Variants in SLC44A4 observed in about 807,000 individuals in gnomAD.
SLC44A4 encodes the protein choline transporter-like protein 4.
Under a neutral mutation model 97.0 loss-of-function variants are expected in SLC44A4, and 74 were observed. The observed-to-expected ratio is 0.76, with a 90% CI of 0.63 to 0.93. The LOEUF is 0.93. SLC44A4 is among the 40% of genes least tolerant of loss of function. The probability of loss-of-function intolerance (pLI) is 0.00; values close to 1 mark genes in which losing one functional copy is unlikely to be tolerated. For synonymous variants in SLC44A4, 325 were observed against 363.8 expected (o/e 0.89, Z 1.21); for missense variants, 799 against 902.9 (o/e 0.88, Z 1.48).
At chr6:31,870,476 C>T in intron 11 of SLC44A4, 127 bp downstream of exon 11, 4 of 702,884 alleles carry the variant, frequency 5.7e-6, no homozygotes, top group Non-Finnish European at 9.8e-6. Flanking sequence ...GCAGTGTTCA[C>T]CACTGTGCTA....
rs373185082 is a variant in SLC44A4 at position 31,865,840 on chromosome 6, C to T, written c.1487+33G>A. The T allele has an allele frequency of 2.6e-5, 42 of 1,613,728 alleles. No homozygotes were observed. The highest frequency in any genetic ancestry group is 3.6e-5 in the Non-Finnish European group (42 of 1,179,794). On this transcript the variant is annotated intron_variant, in intron 14 of 20. Coordinates refer to ENST00000229729, the MANE Select transcript of SLC44A4 (RefSeq NM_025257.3). This position sits in a 1 kb window ranked among gnomAD's most constrained non-coding sequence, Gnocchi z 5.2. The stretch of plus-strand genomic sequence containing the variant: ...CTCCAGGACCCCTGGGGCCCCCGTG[C>T]CTACAATGACCAGGCCCCTGCCCCA...
At position 31,876,954 on chromosome 6, in the gene SLC44A4, T is replaced by C. The variant is rs949359095; in HGVS notation, c.89+80A>G. 8.9e-5 allele frequency: 122 copies of C among 1,376,476 alleles called. 1 individual carries two copies. Among genetic ancestry groups the C allele is most frequent in the Non-Finnish European group, 1.2e-4 (118 of 1,003,240 alleles). 85.3% of individuals were successfully genotyped at this position (1,376,476 alleles called of 1,614,324 possible). On this transcript the variant is annotated intron_variant, in intron 2 of 20. Transcript: ENST00000229729. This position sits in a 1 kb window ranked among gnomAD's most constrained non-coding sequence, Gnocchi z 4.8. ...TTTCACAAGTTTCCTACTAATATTT[T>C]AGCAAATACAAAGCAAATACTGGAT...
chr6:31,871,017 T>G lies in SLC44A4; in HGVS notation c.732A>C (p.Leu244=). The change falls in exon 10 of 21, where the codon CTA becomes CTC. Residue 244 remains leucine (L), a synonymous_variant. Transcript: ENST00000229729. ...VALGVALVLS[L]LFILLLRLVA... ...CCAGGCGCAGAAGCAAGATAAACAG[T>G]AGGCTCAAGACCAGAGCCACCCCCA... is the stretch of plus-strand genomic sequence containing the variant. The G allele has an allele frequency of 6.2e-7, 1 of 1,611,384 alleles. No individual in the cohort carries two copies.
chr6:31,870,478 A>G (rs1422226239), intron 11 of SLC44A4, 125 bp downstream of exon 11: 5 of 704,532 alleles, frequency 7.1e-6, no homozygotes, highest in Non-Finnish European at 1.2e-5. Context: ...AGTGTTCACC[A>G]CTGTGCTATA....
rs1360314443 is a variant in SLC44A4, at chr6:31,877,226, CTG to C, written c.41-146_41-145del. ...GGGCAGGACTGGCAGGAGGGGAAAA[CTG>C]GGGAGCAGGAAAGGTAGGATCCAGG... On this transcript the variant is annotated intron_variant, in intron 1 of 20. Transcript: ENST00000229729. This position sits in a 1 kb window ranked among gnomAD's most constrained non-coding sequence, Gnocchi z 6.5. 6.2e-6 allele frequency: 5 copies of C among 812,530 alleles called. No individual in the cohort carries two copies. In the African/African-American group the frequency reaches 8.6e-5, roughly 14 times the overall value. The allele number at this position is 812,530 out of a possible 1,614,324, so 50.3% of individuals were successfully genotyped here. A position where few individuals can be genotyped will look rare whatever the true frequency, so the allele number is the denominator to read the frequency against.
chr6:31,865,395 G>A lies in SLC44A4; in HGVS notation c.1687-7C>T. The A allele has an allele frequency of 6.2e-7, 1 of 1,614,104 alleles. No individual in the cohort carries two copies. Among genetic ancestry groups the A allele is most frequent in the South Asian group, 1.1e-5 (1 of 91,086 alleles). ...TCTTCCCGTAGATGGCGATCTGAGG[G>A]AGGTGGAAAGGTCAGAGTTACCAAG... On this transcript the variant is annotated splice_region_variant and splice_polypyrimidine_tract_variant and intron_variant, in intron 16 of 20. Transcript: ENST00000229729. This position sits in a 1 kb window ranked among gnomAD's most constrained non-coding sequence, Gnocchi z 5.2.
At position 31,874,110 on chromosome 6, in the gene SLC44A4, G is replaced by A. The variant is rs553459764; in HGVS notation, c.529+350C>T. Among the ~76,000 whole-genome samples, 7 of 150,762 alleles carry A rather than the reference G, an allele frequency of 4.6e-5. No homozygotes were observed. The East Asian group carries it at 1.2e-3, about 25-fold the overall frequency. ...AGCCTGGGCAACAGAGGAAGACTCC[G>A]TCAAAAAAAAAAAAATGTGTGTGTA... On this transcript the variant is annotated intron_variant, in intron 7 of 20. Transcript: ENST00000229729. This position sits in a 1 kb window ranked among gnomAD's most constrained non-coding sequence, Gnocchi z 4.8.
At chr6:31,864,127 T>C (rs1200041813) in intron 20 of SLC44A4, among the ~76,000 whole-genome samples, 1 of 151,942 alleles carries the variant, frequency 6.6e-6, no homozygotes, top group African/African-American at 2.4e-5. Context: ...CAAGCTGAAG[T>C]GCAGTAGCGC....
Position 31,864,888 on chromosome 6 carries a change from G to GA in SLC44A4, c.1853dup (p.Ser619LeufsTer9), listed in dbSNP as rs910422495. ...TACCCAGCCCCGGGATGCGACCGGA[G>GA]AAAAAAAAGAAGGACAGGACCCCTG... On this transcript the variant is annotated frameshift_variant, in exon 19 of 21. Transcript: ENST00000229729. LOFTEE classifies it high-confidence loss of function. 7.4e-6 allele frequency: 12 copies of GA among 1,613,558 alleles called. No homozygotes were observed. Among genetic ancestry groups the GA allele is most frequent in the African/African-American group, 1.3e-5 (1 of 74,840 alleles).
Position 31,874,450 on chromosome 6 carries a change from T to C in SLC44A4, c.529+10A>G. The C allele has an allele frequency of 6.2e-7, 1 of 1,612,976 alleles. No individual in the cohort carries two copies. The highest frequency in any genetic ancestry group is 8.5e-7 in the Non-Finnish European group (1 of 1,179,922). ...AGATGACGTCTGAGGAAGGAATCTG[T>C]GCTTCTCACCTGGAGCAGAGGGGAG... On this transcript the variant is annotated intron_variant, in intron 7 of 20. Coordinates refer to ENST00000229729, the MANE Select transcript of SLC44A4 (RefSeq NM_025257.3). This position sits in a 1 kb window ranked among gnomAD's most constrained non-coding sequence, Gnocchi z 4.8.
chr6:31,877,693 G>A lies in SLC44A4; in HGVS notation c.41-611C>T, dbSNP rs562658761. The A allele has an allele frequency of 1.9e-5, 18 of 932,786 alleles. No individual in the cohort carries two copies. Among genetic ancestry groups the A allele is most frequent in the African/African-American group, 3.6e-5 (2 of 56,282 alleles). The allele number at this position is 932,786 out of a possible 1,614,324, so 57.8% of individuals were successfully genotyped here. On this transcript the variant is annotated intron_variant, in intron 1 of 20. Coordinates refer to ENST00000229729, the MANE Select transcript of SLC44A4 (RefSeq NM_025257.3). The surrounding 1 kb of genome is among the most constrained non-coding windows in gnomAD (Gnocchi z 6.5). Reference sequence around the variant, plus strand: ...CAGTCCCCTGGCCACAGTGTGCTCCGGGCTCTGGGCCAGCAGTCAGAGTGA... The same window carrying A: ...CAGTCCCCTGGCCACAGTGTGCTCCAGGCTCTGGGCCAGCAGTCAGAGTGA...
Position 31,864,641 on chromosome 6 carries a change from G to T in SLC44A4, c.2011+11C>A, listed in dbSNP as rs375204698. 2,355 of 1,613,248 alleles carry T rather than the reference G, an allele frequency of 1.5e-3. 3 individuals carry two copies. Among genetic ancestry groups the T allele is most frequent in the Non-Finnish European group, 1.9e-3 (2,252 of 1,179,226 alleles). On this transcript the variant is annotated intron_variant, in intron 20 of 20. Coordinates refer to ENST00000229729, the MANE Select transcript of SLC44A4 (RefSeq NM_025257.3). ...TAAGGTTGGGGACAGGTGGCTGGGG[G>T]TGTCACTCACGGAAGCAGAGGAAGA...
chr6:31,876,223 T>C lies in SLC44A4; in HGVS notation c.90-94A>G. 1 of 866,108 alleles carries C rather than the reference T, an allele frequency of 1.2e-6. No homozygotes were observed. 53.7% of individuals were successfully genotyped at this position (866,108 alleles called of 1,614,324 possible). A position where few individuals can be genotyped will look rare whatever the true frequency, so the allele number is the denominator to read the frequency against. On this transcript the variant is annotated intron_variant, in intron 2 of 20. Transcript: ENST00000229729. This position sits in a 1 kb window ranked among gnomAD's most constrained non-coding sequence, Gnocchi z 4.8. ...GGTTAAGGGTTAGAGAGTTGGGTGA[T>C]GCTGCAGCATGGGCATCAGTAGGCT...
In SLC44A4 at chr6:31,876,982, C is replaced by T; in HGVS notation, c.89+52G>A. The stretch of plus-strand genomic sequence containing the variant: ...CAAATACAAAGCAAATACTGGATTC[C>T]ACACTGCACCCACCACCCCCGCCAG... On this transcript the variant is annotated intron_variant, in intron 2 of 20. Transcript: ENST00000229729. The surrounding 1 kb of genome is among the most constrained non-coding windows in gnomAD (Gnocchi z 4.8). 1 of 1,538,894 alleles carries T rather than the reference C, an allele frequency of 6.5e-7. No individual in the cohort carries two copies. The highest frequency in any genetic ancestry group is 8.8e-7 in the Non-Finnish European group (1 of 1,131,760).
rs1217871214 is a variant in SLC44A4 at position 31,877,058 on chromosome 6, G to C, written c.65C>G (p.Ser22Cys). Reference sequence around the variant, plus strand: ...CCTGTTCTTGATGGGGCCTCGAAAGGAGGGGTCGTATTTGACTGGCTTCCC... The same window carrying C: ...CCTGTTCTTGATGGGGCCTCGAAAGCAGGGGTCGTATTTGACTGGCTTCCC... ...AYGKPVKYDPSFRGPIKNRSC... is the reference protein window; with the variant it reads ...AYGKPVKYDPCFRGPIKNRSC... Residue 22 changes from serine (S) to cysteine (C), a missense_variant, in exon 2 of 21, where the codon TCC becomes TGC. Physicochemically the swap from Ser to Cys is moderately radical, Grantham distance 112. Transcript: ENST00000229729. This position sits in a 1 kb window ranked among gnomAD's most constrained non-coding sequence, Gnocchi z 6.5. 9 of 1,610,234 alleles carry C rather than the reference G, an allele frequency of 5.6e-6. No individual in the cohort carries two copies. Among genetic ancestry groups the C allele is most frequent in the Non-Finnish European group, 7.6e-6 (9 of 1,179,184 alleles).
chr6:31,874,819 G>T lies in SLC44A4; in HGVS notation c.370C>A (p.Pro124Thr). ...AACTCGTTTTTTCCCACAGTCCATG[G>T]GTCCTCCGGGCAGGAGGACACACAC... ...QVCVSSCPEDPWTVGKNEFSQ... is the reference protein window; with the variant it reads ...QVCVSSCPEDTWTVGKNEFSQ... Residue 124 changes from proline (P) to threonine (T), a missense_variant, in exon 6 of 21, where the codon CCA becomes ACA. Around this residue, in one of 3 missense-constraint regions of SLC44A4, gnomAD observed 409 missense variants for 434.1 expected, o/e 0.94. Transcript: ENST00000229729. This position sits in a 1 kb window ranked among gnomAD's most constrained non-coding sequence, Gnocchi z 4.8. 6.2e-7 allele frequency: 1 copy of T among 1,613,532 alleles called. No individual in the cohort carries two copies. The highest frequency in any genetic ancestry group is 1.3e-5 in the African/African-American group (1 of 74,936).
In SLC44A4 at chr6:31,865,297, G is replaced by C. The variant is rs375543593; in HGVS notation, c.1760+18C>G. The C allele has an allele frequency of 2.0e-4, 330 of 1,613,674 alleles. 1 individual carries two copies. The highest frequency in any genetic ancestry group is 2.6e-4 in the Non-Finnish European group (312 of 1,179,858). ...GATCAGAGGAGGGAGCCACAAAGCG[G>C]GGGGGGAGCAGCCTAACCTGACAAT... On this transcript the variant is annotated intron_variant, in intron 17 of 20. Transcript: ENST00000229729. This position sits in a 1 kb window ranked among gnomAD's most constrained non-coding sequence, Gnocchi z 5.2.
chr6:31,864,731 G>A lies in SLC44A4; in HGVS notation c.1932C>T (p.Ser644=), dbSNP rs1463640648. Residue 644 remains serine (S), a synonymous_variant, in exon 20 of 21, where the codon TCC becomes TCT. Transcript: ENST00000229729. ...TGGCGATGACATAGGCCCCCAGGATGGAGGTCTGGAAGACATGACCCGTTG... is the reference window on the plus strand; with the variant it reads ...TGGCGATGACATAGGCCCCCAGGATAGAGGTCTGGAAGACATGACCCGTTG... ...LNYYWLPIMT[S]ILGAYVIASG... 6.2e-7 allele frequency: 1 copy of A among 1,614,138 alleles called. No homozygotes were observed. Among genetic ancestry groups the A allele is most frequent in the Admixed American group, 1.7e-5 (1 of 60,018 alleles).
chr6:31,872,628 A>T (rs1763233564), intron 7 of SLC44A4, among the ~76,000 whole-genome samples: 1 of 148,482 alleles, frequency 6.7e-6, no homozygotes, highest in African/African-American at 2.5e-5. Context: ...CAACTCCAGG[A>T]CTCAAGTGAT....
Sources: gnomAD v4.1 joint callset for allele counts (sites outside exome capture counted in the v4.1 genomes callset) on GRCh38, gnomAD v4.1.1 for gene constraint, gnomAD v4.1.1 regional missense constraint, Gnocchi (gnomAD v3.1) non-coding constraint, MANE v1.5 for transcripts, NCBI Gene and HGNC (gene_info 2026-07-23, HGNC 2026-07-21) for gene names.